The following STK32B variants were observed in gnomAD, a reference collection of about 807,000 sequenced individuals.
STK32B encodes the protein serine/threonine kinase 32B, also known as serine/threonine-protein kinase 32B.
Under a neutral mutation model 52.6 loss-of-function variants are expected in STK32B, and 43 were observed. The observed-to-expected ratio is 0.82, with a 90% CI of 0.64 to 1.05. The LOEUF is 1.05. Among genes scored for constraint, STK32B ranks in the 50% least tolerant of loss-of-function variants. The pLI is 0.00. For missense variants in STK32B, 621 were observed against 534.6 expected (o/e 1.16, Z -1.59); for synonymous variants, 238 against 204.3 (o/e 1.17, Z -1.41).
intron 1 of STK32B, among the ~76,000 whole-genome samples, chr4:5,067,942 A>G (rs965369911): frequency 6.6e-6 from 1 of 152,098 alleles, no homozygotes; most frequent in Non-Finnish European, 1.5e-5. Flanking sequence ...TATGAACAGC[A>G]CCAAAGTGGG....
At chr4:5,140,181 A>G (rs760438845) in intron 2 of STK32B, 5 of 1,484,224 alleles carry the variant, frequency 3.4e-6, no homozygotes, top group Non-Finnish European at 4.5e-6. Flanking sequence ...GTGAATTACA[A>G]TGGTATTTAT....
At chr4:5,477,237 CAG>C (rs1718307623) in intron 11 of STK32B, among the ~76,000 whole-genome samples, 1 of 152,132 alleles carries the variant, frequency 6.6e-6, no homozygotes, top group Non-Finnish European at 1.5e-5. Context: ...AATAAGCACA[CAG>C]GGGCAACTAG....
chr4:5,223,026 G>T (rs1486626067), intron 3 of STK32B, among the ~76,000 whole-genome samples: 2 of 152,144 alleles, frequency 1.3e-5, no homozygotes, highest in Non-Finnish European at 2.9e-5. Flanking sequence ...GGCCCATGTG[G>T]GGTCTTAGAG....
rs1560361691 is a variant in STK32B, at chr4:5,372,722, G to GGGGGGA, written c.435-25480_435-25479insAGGGGG. Among the ~76,000 whole-genome samples the GGGGGGA allele has an allele frequency of 1.5e-3, 146 of 97,298 alleles. 1 individual carries two copies. The highest frequency in any genetic ancestry group is 5.0e-3 in the African/African-American group (143 of 28,414). 63.8% of individuals were successfully genotyped at this position (97,298 alleles called of 152,430 possible). On this transcript the variant is annotated intron_variant, in intron 4 of 11. Coordinates refer to ENST00000282908, the MANE Select transcript of STK32B (RefSeq NM_018401.3). ...TCGTGGCCTCAGCAGGAGAAAGTTG[G>GGGGGGA]GGGGGGGGGCGGTTATTTCAGACTA...
intron 6 of STK32B, 130 bp downstream of exon 6, chr4:5,417,064 C>T: frequency 2.6e-6 from 2 of 772,178 alleles, no homozygotes; most frequent in Admixed American, 3.0e-5. Context: ...TTCCACAGTT[C>T]CCAGTAGATA....
At chr4:5,050,807 G>A (rs1741736425), upstream of STK32B, among the ~76,000 whole-genome samples, 1 of 152,116 alleles carries the variant, frequency 6.6e-6, no homozygotes, top group African/African-American at 2.4e-5. Flanking sequence ...CCCGATCCAG[G>A]CTCCCGCCGC....
At chr4:5,347,506 A>C (rs1421446424) in intron 4 of STK32B, among the ~76,000 whole-genome samples, 1 of 152,180 alleles carries the variant, frequency 6.6e-6, no homozygotes, top group African/African-American at 2.4e-5. Flanking sequence ...GGATTATTTT[A>C]GTAGAGCTTA....
At chr4:5,087,361 A>T (rs1166259934) in intron 1 of STK32B, among the ~76,000 whole-genome samples, 1 of 152,012 alleles carries the variant, frequency 6.6e-6, no homozygotes, top group Non-Finnish European at 1.5e-5. Flanking sequence ...CTATTTAACA[A>T]AAAGAAGGCA....
intron 1 of STK32B, among the ~76,000 whole-genome samples, chr4:5,110,451 C>G (rs1314485779): frequency 6.6e-6 from 1 of 151,932 alleles, no homozygotes; most frequent in Non-Finnish European, 1.5e-5. Flanking sequence ...AGAAATAAAG[C>G]CACATACCTG....
chr4:5,198,299 A>G (rs1181941873), intron 3 of STK32B, among the ~76,000 whole-genome samples: 1 of 152,218 alleles, frequency 6.6e-6, no homozygotes, highest in Non-Finnish European at 1.5e-5. Context: ...CAGAATTTAT[A>G]CCACTTGACA....
chr4:5,479,281 A>G (rs7699843), intron 11 of STK32B, among the ~76,000 whole-genome samples: 6,250 of 151,330 alleles, frequency 0.041, 409 homozygotes, highest in African/African-American at 0.14. Context: ...CACCACGCCC[A>G]GCTAATTTTG....
At chr4:5,267,410 TTTC>T (rs1405546194) in intron 3 of STK32B, among the ~76,000 whole-genome samples, 1 of 152,150 alleles carries the variant, frequency 6.6e-6, no homozygotes, top group Non-Finnish European at 1.5e-5. Context: ...AGTGCCTAAT[TTTC>T]TTACATGGAA....
At chr4:5,037,568 T>C in the STK32B span, among the ~76,000 whole-genome samples, 1 of 152,138 alleles carries the variant, frequency 6.6e-6, no homozygotes, top group African/African-American at 2.4e-5. Context: ...TAAATATCAA[T>C]TACTCTACAG....
intron 3 of STK32B, among the ~76,000 whole-genome samples, chr4:5,324,964 C>T (rs1157966867): frequency 6.6e-6 from 1 of 152,196 alleles, no homozygotes; most frequent in East Asian, 1.9e-4. Flanking sequence ...GAGAAGCCTA[C>T]TGAGTACTTG....
chr4:5,183,257 C>T (rs1199781232), intron 3 of STK32B, among the ~76,000 whole-genome samples: 1 of 152,090 alleles, frequency 6.6e-6, no homozygotes, highest in Non-Finnish European at 1.5e-5. Context: ...GCAGGCAGAT[C>T]ACCTGAGGTC....
intron 1 of STK32B, among the ~76,000 whole-genome samples, chr4:5,094,739 A>G (rs1156741680): frequency 2.0e-5 from 3 of 152,198 alleles, no homozygotes; most frequent in African/African-American, 7.2e-5. Flanking sequence ...GCTGCCAGTC[A>G]ACAGTAAGCT....
intron 6 of STK32B, among the ~76,000 whole-genome samples, chr4:5,439,657 T>G (rs1200818352): frequency 1.3e-5 from 2 of 152,300 alleles, no homozygotes; most frequent in East Asian, 3.9e-4. Context: ...CTTTTGCTGT[T>G]TTAGACATGA....
chr4:5,379,397 A>G (rs917367223), intron 4 of STK32B, among the ~76,000 whole-genome samples: 2 of 151,982 alleles, frequency 1.3e-5, no homozygotes, highest in East Asian at 1.9e-4. Flanking sequence ...CGGGCTCTCT[A>G]TTCCCCAGGA....
intron 3 of STK32B, among the ~76,000 whole-genome samples, chr4:5,173,943 CT>C (rs1306711032): frequency 6.6e-6 from 1 of 152,120 alleles, no homozygotes; most frequent in Non-Finnish European, 1.5e-5. Flanking sequence ...GAGTCTAAGT[CT>C]CTTTGTAGGT....
Sources: allele counts gnomAD v4.1 joint callset (sites outside exome capture counted in the v4.1 genomes callset), GRCh38; gene constraint gnomAD v4.1.1; transcripts MANE v1.5; gene names NCBI Gene and HGNC (gene_info 2026-07-23, HGNC 2026-07-21).